POGZ: variants seen among roughly 807,000 people sequenced by gnomAD.
POGZ encodes the protein pogo transposable element with ZNF domain.
POGZ carries 17 observed loss-of-function variants against 134.6 expected under a neutral mutation model. The observed-to-expected ratio is 0.13, with a 90% CI of 0.09 to 0.19. The LOEUF is 0.19. Among genes scored for constraint, POGZ ranks in the 10% least tolerant of loss-of-function variants. POGZ has a pLI of 1.00. For synonymous variants in POGZ, 693 were observed against 657.1 expected (o/e 1.05, Z -0.84); for missense variants, 1,306 against 1,769.7 (o/e 0.74, Z 4.70).
intron 17 of POGZ, 64 bp from the exon 18 acceptor site, chr1:151,406,695 GC>G (rs1653712741): frequency 1.4e-6 from 2 of 1,379,920 alleles, no homozygotes; most frequent in South Asian, 2.4e-5. Flanking sequence ...CAAAGACAGT[GC>G]CCTGGGATTC....
Position 151,428,386 on chromosome 1 carries a change from G to T in POGZ, c.596C>A (p.Thr199Lys). The T allele has an allele frequency of 2.5e-6, 4 of 1,613,714 alleles. No homozygotes were observed. The highest frequency in any genetic ancestry group is 3.4e-6 in the Non-Finnish European group (4 of 1,179,624). Reference sequence around the variant, plus strand: ...GGAGAACACTTGTGGAACTCCAACTGTCGGCTTAACAAACTGGGTACCTGG... The same window carrying T: ...GGAGAACACTTGTGGAACTCCAACTTTCGGCTTAACAAACTGGGTACCTGG... ...PAPGTQFVKP[T>K]VGVPQVFSQM... Residue 199 changes from threonine to lysine, a missense_variant, in exon 6 of 19, where the codon ACA (threonine) becomes AAA (lysine). By Grantham distance (78) the Thr-to-Lys change is moderately conservative. Coordinates refer to ENST00000271715, the MANE Select transcript of POGZ (RefSeq NM_015100.4).
chr1:151,429,479 T>C (rs1419590856), intron 5 of POGZ, 124 bp downstream of exon 5: 3 of 460,078 alleles, frequency 6.5e-6, no homozygotes, highest in Non-Finnish European at 1.2e-5. Context: ...CTTAAATCAT[T>C]AATATTTTTA....
At position 151,402,740 on chromosome 1, in the gene POGZ, A is replaced by G. The variant is rs1652953488; in HGVS notation, c.*2062T>C. 1 of 152,238 alleles carries G rather than the reference A, an allele frequency of 6.6e-6. No homozygotes were observed. The highest frequency in any genetic ancestry group is 2.4e-5 in the African/African-American group (1 of 41,460). The allele number at this position is 152,238 out of a possible 1,614,324, so 9.4% of individuals were successfully genotyped here. Reference sequence around the variant, plus strand: ...AACACAGGAAACAGTCAATAAATACATGTTTATTGATTAAACTGAATTATA... The same window carrying G: ...AACACAGGAAACAGTCAATAAATACGTGTTTATTGATTAAACTGAATTATA... On this transcript the variant is annotated 3_prime_UTR_variant, in exon 19 of 19. Coordinates refer to ENST00000271715, the MANE Select transcript of POGZ (RefSeq NM_015100.4).
At chr1:151,425,821 G>C (rs1043838029) in intron 7 of POGZ, among the ~76,000 whole-genome samples, 7 of 152,132 alleles carry the variant, frequency 4.6e-5, no homozygotes, top group Non-Finnish European at 8.8e-5. Context: ...ATGAACATAG[G>C]TGTACAAATA....
At chr1:151,456,014 A>G (rs1356018597) in intron 1 of POGZ, among the ~76,000 whole-genome samples, 2 of 150,684 alleles carry the variant, frequency 1.3e-5, no homozygotes, top group African/African-American at 2.5e-5. Context: ...AAGTGCTGGG[A>G]TTACAGGAGT....
chr1:151,408,850 A>G (rs1476203651), intron 12 of POGZ, 22 bp from the exon 13 acceptor site: 3 of 1,607,504 alleles, frequency 1.9e-6, no homozygotes, highest in South Asian at 2.2e-5. Flanking sequence ...GAGGGAAAAA[A>G]AGAGACAAAA....
rs1163068928 is a variant in POGZ, at chr1:151,404,751, C to T, written c.*51G>A. 2.6e-6 allele frequency: 4 copies of T among 1,529,820 alleles called. No homozygotes were observed. In the South Asian group the frequency reaches 3.9e-5, roughly 15 times the overall value. The allele number at this position is 1,529,820 out of a possible 1,614,324, so 94.8% of individuals were successfully genotyped here. ...CCCCTTTTCCCTAAGCCCCTTTACC[C>T]TCCCTCACATGTTCCCACCCTCACT... On this transcript the variant is annotated 3_prime_UTR_variant, in exon 19 of 19. Transcript: ENST00000271715.
intron 10 of POGZ, among the ~76,000 whole-genome samples, chr1:151,420,868 G>T (rs1656774480): frequency 6.6e-6 from 1 of 151,602 alleles, no homozygotes; most frequent in Non-Finnish European, 1.5e-5. Flanking sequence ...AATTAATTTT[G>T]CCTGTTTTTT....
chr1:151,427,005 A>T (rs1657896907), intron 7 of POGZ: 1 of 151,960 alleles, frequency 6.6e-6, no homozygotes, highest in Non-Finnish European at 1.5e-5. Context: ...TTCAAGCCCA[A>T]GCCATCCTCT....
chr1:151,452,426 T>C (rs906142182), intron 1 of POGZ, among the ~76,000 whole-genome samples: 1 of 151,780 alleles, frequency 6.6e-6, no homozygotes, highest in Non-Finnish European at 1.5e-5. Context: ...TCACGGCTTA[T>C]TGCAGCCTCA....
At position 151,426,038 on chromosome 1, in the gene POGZ, T is replaced by C. The variant is rs972396456; in HGVS notation, c.1079-977A>G. On this transcript the variant is annotated intron_variant, in intron 7 of 18. Transcript: ENST00000271715. Reference sequence around the variant, plus strand: ...TTGTTATTTTATGGTTCTTTGATAGTAGCCATCCTAATGGGAGTGAGACGG... The same window carrying C: ...TTGTTATTTTATGGTTCTTTGATAGCAGCCATCCTAATGGGAGTGAGACGG... 6.6e-5 allele frequency among the ~76,000 whole-genome samples: 10 copies of C among 152,228 alleles called. No homozygotes were observed. The East Asian group carries it at 1.9e-3, about 29-fold the overall frequency.
chr1:151,440,047 A>C (rs943967313), intron 3 of POGZ, among the ~76,000 whole-genome samples: 2 of 152,148 alleles, frequency 1.3e-5, no homozygotes, highest in Non-Finnish European at 2.9e-5. Context: ...CAACTTGTAT[A>C]ATCTTTTTTT....
chr1:151,458,852 G>A (rs1287732270), intron 1 of POGZ, among the ~76,000 whole-genome samples: 11 of 145,418 alleles, frequency 7.6e-5, no homozygotes, highest in Admixed American at 7.5e-4. Context: ...GGCGGGGGCG[G>A]CCGGCCAGCC....
chr1:151,404,397 A>G lies in POGZ; in HGVS notation c.*405T>C. On this transcript the variant is annotated 3_prime_UTR_variant, in exon 19 of 19. Coordinates refer to ENST00000271715, the MANE Select transcript of POGZ (RefSeq NM_015100.4). ...CCAAAGACATTGGCCACACAATAAA[A>G]CAAACAAAAAAACCCAGTACTATGA... is the stretch of plus-strand genomic sequence containing the variant. 1.0e-6 allele frequency: 1 copy of G among 992,304 alleles called. No individual in the cohort carries two copies. The highest frequency in any genetic ancestry group is 1.2e-6 in the Non-Finnish European group (1 of 833,472). 61.5% of individuals were successfully genotyped at this position (992,304 alleles called of 1,614,324 possible).
In POGZ at chr1:151,404,482, TTC is replaced by T. The variant is rs1447075927; in HGVS notation, c.*318_*319del. ...AACATTTGCCCACAAATAATTTTTT[TTC>T]TTTTTCTTAATTTTGTCAGAAAAAT... is the stretch of plus-strand genomic sequence containing the variant. On this transcript the variant is annotated 3_prime_UTR_variant, in exon 19 of 19. Transcript: ENST00000271715. 10 of 1,033,968 alleles carry T rather than the reference TTC, an allele frequency of 9.7e-6. No homozygotes were observed. The highest frequency in any genetic ancestry group is 5.1e-5 in the Admixed American group (1 of 19,744). 64.0% of individuals were successfully genotyped at this position (1,033,968 alleles called of 1,614,324 possible). A position where few individuals can be genotyped will look rare whatever the true frequency, so the allele number is the denominator to read the frequency against.
intron 15 of POGZ, among the ~76,000 whole-genome samples, 187 bp from the exon 16 acceptor site, chr1:151,407,478 TA>T (rs1310091631): frequency 6.6e-6 from 1 of 152,200 alleles, no homozygotes; most frequent in Non-Finnish European, 1.5e-5. Flanking sequence ...GAGGATCTAT[TA>T]AAATTCACAT....
intron 10 of POGZ, among the ~76,000 whole-genome samples, chr1:151,415,020 T>C (rs1655376069): frequency 1.3e-5 from 2 of 152,310 alleles, no homozygotes; most frequent in South Asian, 4.1e-4. Context: ...TCTCCTACTT[T>C]GAGGAAATAG....
chr1:151,423,421 C>T lies in POGZ; in HGVS notation c.1654G>A (p.Val552Ile). Reference sequence around the variant, plus strand: ...CTAGTAGATTCATAGGGACTATGAACATTTTCCAAGTGGCACTGAAGCTGG... The same window carrying T: ...CTAGTAGATTCATAGGGACTATGAATATTTTCCAAGTGGCACTGAAGCTGG... ...PFQLQCHLEN[V>I]HSPYESTTKC... The change falls in exon 10 of 19, where the codon GTT becomes ATT. Residue 552 changes from valine to isoleucine, a missense_variant. Val to Ile is a conservative substitution (Grantham distance 29). Transcript: ENST00000271715. 6.2e-7 allele frequency: 1 copy of T among 1,614,056 alleles called. No individual in the cohort carries two copies. Among genetic ancestry groups the T allele is most frequent in the Non-Finnish European group, 8.5e-7 (1 of 1,179,950 alleles).
At position 151,408,724 on chromosome 1, in the gene POGZ, C is replaced by T. The variant is rs1330938963; in HGVS notation, c.2031G>A (p.Lys677=). The T allele has an allele frequency of 2.5e-6, 4 of 1,613,904 alleles. No individual in the cohort carries two copies. Among genetic ancestry groups the T allele is most frequent in the Non-Finnish European group, 3.4e-6 (4 of 1,180,010 alleles). The change falls in exon 13 of 19, where the codon AAG becomes AAA. Residue 677 remains lysine, a synonymous_variant. Transcript: ENST00000271715. ...LQHHKTFRKP[K]QLEGLKPGTK... is the part of the protein sequence containing the mutation. ...TGCCTGGTTTCAAGCCCTCCAGCTG[C>T]TTGGGTTTACGGAAGGTTTTATGGT... is the stretch of plus-strand genomic sequence containing the variant.
Sources: allele counts gnomAD v4.1 joint callset (sites outside exome capture counted in the v4.1 genomes callset), GRCh38; gene constraint gnomAD v4.1.1; transcripts MANE v1.5; gene names NCBI Gene and HGNC (gene_info 2026-07-23, HGNC 2026-07-21).